ZCCHC4: variants seen among roughly 807,000 people sequenced by gnomAD.
ZCCHC4 encodes rRNA N(6)-adenosine-methyltransferase ZCCHC4.
A neutral mutation model predicts 67.7 loss-of-function variants in ZCCHC4; 54 were observed. The ratio of observed to expected loss-of-function variants is 0.80; its 90% CI spans 0.64 to 1.00. The LOEUF is 1.00. ZCCHC4 is among the 50% of genes least tolerant of loss of function. The probability of loss-of-function intolerance (pLI) is 0.00; values close to 1 mark genes in which losing one functional copy is unlikely to be tolerated. For synonymous variants in ZCCHC4, 198 were observed against 213.5 expected (o/e 0.93, Z 0.63); for missense variants, 609 against 617.0 (o/e 0.99, Z 0.14).
chr4:25,334,529 T>C (rs1719355550), intron 5 of ZCCHC4, among the ~76,000 whole-genome samples: 1 of 152,206 alleles, frequency 6.6e-6, no homozygotes, highest in Non-Finnish European at 1.5e-5. Context: ...CAGAATTAAA[T>C]GGCATCTGAT....
intron 5 of ZCCHC4, among the ~76,000 whole-genome samples, chr4:25,336,092 G>T (rs939621310): frequency 6.6e-6 from 1 of 152,166 alleles, no homozygotes; most frequent in African/African-American, 2.4e-5. Flanking sequence ...TCACCGTGTT[G>T]TGCAGTCATC....
rs775915329 is a variant in ZCCHC4 at position 25,312,918 on chromosome 4, G to A, written c.109G>A (p.Ala37Thr). 1 of 1,612,416 alleles carries A rather than the reference G, an allele frequency of 6.2e-7. No homozygotes were observed. ...GCTTCCTTTGGATCCTGCCGTCCCC[G>A]CCCCGCTGTGCCCTCACGGTGGGTC... ...VVLPLDPAVP[A>T]PLCPHGPTLL... The change falls in exon 1 of 13, where the codon GCC (alanine) becomes ACC (threonine). Residue 37 changes from alanine (A) to threonine (T), a missense_variant. Coordinates refer to ENST00000302874, the MANE Select transcript of ZCCHC4 (RefSeq NM_024936.3).
chr4:25,325,528 T>C (rs770083555), intron 3 of ZCCHC4, among the ~76,000 whole-genome samples: 13 of 152,148 alleles, frequency 8.5e-5, no homozygotes, highest in Non-Finnish European at 1.5e-4. Flanking sequence ...CCTCCCAAAG[T>C]ACTGGGATTA....
At chr4:25,345,301 A>T (rs1022158938) in intron 5 of ZCCHC4, among the ~76,000 whole-genome samples, 4 of 152,218 alleles carry the variant, frequency 2.6e-5, no homozygotes, top group Non-Finnish European at 2.9e-5. Context: ...GGTACATAGG[A>T]ACATGTGTGT....
At chr4:25,339,874 ATTTT>A (rs530212923) in intron 5 of ZCCHC4, among the ~76,000 whole-genome samples, 1 of 142,406 alleles carries the variant, frequency 7.0e-6, no homozygotes, top group Non-Finnish European at 1.5e-5. Context: ...CTATTTTGAG[ATTTT>A]TTTTTTTTTT....
chr4:25,328,664 C>G (rs1023995178), intron 3 of ZCCHC4, among the ~76,000 whole-genome samples: 5 of 152,162 alleles, frequency 3.3e-5, no homozygotes, highest in African/African-American at 1.2e-4. Flanking sequence ...TCACTGCAGC[C>G]TTGACCTCCC....
chr4:25,340,635 C>T (rs1719709956), intron 5 of ZCCHC4, among the ~76,000 whole-genome samples: 1 of 151,704 alleles, frequency 6.6e-6, no homozygotes, highest in East Asian at 1.9e-4. Context: ...ATGAGATGTC[C>T]TTCCATTTCT....
At chr4:25,328,321 C>A (rs1161847733) in intron 3 of ZCCHC4, among the ~76,000 whole-genome samples, 3 of 152,022 alleles carry the variant, frequency 2.0e-5, no homozygotes, top group Non-Finnish European at 2.9e-5. Context: ...CTCACTGCCA[C>A]CTCTGTCTCC....
intron 8 of ZCCHC4, among the ~76,000 whole-genome samples, chr4:25,352,754 T>C (rs1430277536): frequency 6.6e-6 from 1 of 152,240 alleles, no homozygotes; most frequent in African/African-American, 2.4e-5. Context: ...TTGAGTTTTC[T>C]GAATAATCGA....
rs60051899 is a variant in ZCCHC4, at chr4:25,338,058, T to C, written c.686+4070T>C. On this transcript the variant is annotated intron_variant, in intron 5 of 12. Transcript: ENST00000302874. ...ATATAAACATTTTAAAAAGTAGATA[T>C]ATAACCTTGAAAACTTTTCCTGCTG... Among the ~76,000 whole-genome samples, 832 of 152,358 alleles carry C rather than the reference T, an allele frequency of 5.5e-3. 9 individuals are homozygous for C. The highest frequency in any genetic ancestry group is 0.027 in the Middle Eastern group (8 of 294).
At chr4:25,330,562 G>T (rs1719124774) in intron 3 of ZCCHC4, among the ~76,000 whole-genome samples, 2 of 152,176 alleles carry the variant, frequency 1.3e-5, no homozygotes, top group Admixed American at 6.5e-5. Context: ...CAGAATAGTT[G>T]TGACTGAGAG....
chr4:25,323,091 G>T (rs979666051), intron 3 of ZCCHC4, among the ~76,000 whole-genome samples: 3 of 152,054 alleles, frequency 2.0e-5, no homozygotes, highest in Non-Finnish European at 4.4e-5. Flanking sequence ...GGTATTAGCC[G>T]GCAATAAACC....
rs1464608841 is a variant in ZCCHC4, at chr4:25,312,871, G to A, written c.62G>A (p.Gly21Glu). The change falls in exon 1 of 13, where the codon GGA (glycine) becomes GAA (glutamate). Residue 21 changes from glycine (G) to glutamate (E), a missense_variant. Transcript: ENST00000302874. ...GCAGAGGGCAGCGCAGGGTGCCGGG[G>A]AAGCTCGGGAATGGAGGTGGTGCTT... is the stretch of plus-strand genomic sequence containing the variant. ...VEAEGSAGCR[G>E]SSGMEVVLPL... is the part of the protein sequence containing the mutation. 6.2e-6 allele frequency: 10 copies of A among 1,612,944 alleles called. No homozygotes were observed. Among genetic ancestry groups the A allele is most frequent in the Non-Finnish European group, 6.8e-6 (8 of 1,180,030 alleles).
In ZCCHC4 at chr4:25,365,174, G is replaced by A. The variant is rs748058336; in HGVS notation, c.1406+8G>A. The A allele has an allele frequency of 6.2e-6, 10 of 1,613,222 alleles. No homozygotes were observed. Among genetic ancestry groups the A allele is most frequent in the African/African-American group, 5.3e-5 (4 of 74,846 alleles). ...ATCTAAGAGAGCTAACAAGTCAGTC[G>A]AATACTTTACTAGAAAAATGTATTC... On this transcript the variant is annotated splice_region_variant and intron_variant, in intron 12 of 12. Coordinates refer to ENST00000302874, the MANE Select transcript of ZCCHC4 (RefSeq NM_024936.3).
intron 1 of ZCCHC4, among the ~76,000 whole-genome samples, chr4:25,313,274 A>G (rs1718052103): frequency 1.3e-5 from 2 of 152,334 alleles, no homozygotes; most frequent in South Asian, 4.1e-4. Flanking sequence ...CTTCAAAAAT[A>G]AAAAATTAGG....
At chr4:25,323,807 A>C (rs771308248) in intron 3 of ZCCHC4, among the ~76,000 whole-genome samples, 2 of 152,110 alleles carry the variant, frequency 1.3e-5, no homozygotes, top group African/African-American at 4.8e-5. Context: ...GAATTTTGAC[A>C]TATACATCTG....
At chr4:25,365,863 T>A (rs1342466778) in intron 12 of ZCCHC4, 1 of 985,370 alleles carries the variant, frequency 1.0e-6, no homozygotes, top group Non-Finnish European at 1.2e-6. Flanking sequence ...CGAGCTAATT[T>A]GAATGATTAT....
intron 4 of ZCCHC4, 32 bp from the exon 5 acceptor site, chr4:25,333,876 C>T (rs1359612697): frequency 7.1e-7 from 1 of 1,411,288 alleles, no homozygotes; most frequent in African/African-American, 1.4e-5. Context: ...TTTGTAATAT[C>T]TTATTACATT....
At chr4:25,332,264 C>T (rs192782159) in intron 3 of ZCCHC4, among the ~76,000 whole-genome samples, 33 of 144,158 alleles carry the variant, frequency 2.3e-4, no homozygotes, top group African/African-American at 6.5e-4. Flanking sequence ...GCCAAGATTG[C>T]GCCACGGCAC....
Sources: allele counts gnomAD v4.1 joint callset (sites outside exome capture counted in the v4.1 genomes callset), GRCh38; gene constraint gnomAD v4.1.1; transcripts MANE v1.5; gene names NCBI Gene and HGNC (gene_info 2026-07-23, HGNC 2026-07-21).